The following ADCY9 variants were observed in gnomAD, a reference collection of about 807,000 sequenced individuals.
ADCY9 encodes adenylate cyclase 9, also known as adenylate cyclase type 9.
ADCY9 carries 50 observed loss-of-function variants against 101.5 expected under a neutral mutation model. The observed-to-expected ratio is 0.49, with a 90% CI of 0.39 to 0.62. The LOEUF (loss-of-function observed/expected upper bound fraction) is 0.62. Among genes scored for constraint, ADCY9 ranks in the 20% least tolerant of loss-of-function variants. ADCY9 has a pLI of 0.00. For missense variants in ADCY9, 1,662 were observed against 1,800.4 expected, an observed-to-expected ratio of 0.92 and a Z score of 1.39; for synonymous variants, 905 against 769.3, an observed-to-expected ratio of 1.18 and a Z score of -2.92.
intron 6 of ADCY9, among the ~76,000 whole-genome samples, chr16:3,987,397 G>A (rs928011437): frequency 3.9e-5 from 6 of 152,232 alleles, no homozygotes; most frequent in Non-Finnish European, 8.8e-5. Flanking sequence ...GGCGAGAAGC[G>A]GCCCGGACGC....
At chr16:4,018,962 T>TGTGTGTGTGTGTGTGTGTGTGC (rs2056457109) in intron 2 of ADCY9, among the ~76,000 whole-genome samples, 1 of 150,820 alleles carries the variant, frequency 6.6e-6, no homozygotes, top group Non-Finnish European at 1.5e-5. Flanking sequence ...TGTGTGTGTG[T>TGTGTGTGTGTGTGTGTGTGTGC]GTGTGTGTTT....
intron 5 of ADCY9, chr16:3,953,599 A>G (rs2055892774): frequency 6.6e-6 from 1 of 152,164 alleles, no homozygotes; most frequent in African/African-American, 2.4e-5. Flanking sequence ...ATTTCTAGAA[A>G]ACATGATGAT....
At chr16:4,112,965 A>G (rs1453795955) in intron 2 of ADCY9, among the ~76,000 whole-genome samples, 2 of 152,088 alleles carry the variant, frequency 1.3e-5, no homozygotes, top group Non-Finnish European at 2.9e-5. Context: ...AGCAGTAAGG[A>G]GCTTCAAACC....
At chr16:4,101,690 A>T (rs2057044363) in intron 2 of ADCY9, among the ~76,000 whole-genome samples, 1 of 152,330 alleles carries the variant, frequency 6.6e-6, no homozygotes, top group Non-Finnish European at 1.5e-5. Context: ...AATGGTAGGA[A>T]CCCATTCAAT....
rs769823999 is a variant in ADCY9, at chr16:3,966,939, C to G, written c.2898G>C (p.Ser966=). 6.2e-7 allele frequency: 1 copy of G among 1,613,368 alleles called. No homozygotes were observed. Among genetic ancestry groups the G allele is most frequent in the African/African-American group, 1.3e-5 (1 of 75,030 alleles). ...FSSERNPCNS[S]VPRDLRRPAS... ...CGGGCCGCCGGAGGTCACGCGGCAC[C>G]GAACTATTGCACGGGTTCCTCTCGG... is the stretch of plus-strand genomic sequence containing the variant. Residue 966 remains serine, a synonymous_variant, in exon 11 of 11, where the codon TCG becomes TCC. Coordinates refer to ENST00000294016, the MANE Select transcript of ADCY9 (RefSeq NM_001116.4).
chr16:4,106,276 C>G (rs952246793), intron 2 of ADCY9, among the ~76,000 whole-genome samples: 5 of 152,206 alleles, frequency 3.3e-5, no homozygotes, highest in African/African-American at 1.2e-4. Context: ...GGTACATCCA[C>G]AAGACTACAA....
intron 10 of ADCY9, among the ~76,000 whole-genome samples, chr16:3,969,950 A>G (rs2056036758): frequency 6.6e-6 from 1 of 152,084 alleles, no homozygotes; most frequent in African/African-American, 2.4e-5. Flanking sequence ...AAATAGACAA[A>G]AAAGATTTGT....
chr16:4,063,912 C>T (rs2056786464), intron 2 of ADCY9, among the ~76,000 whole-genome samples: 1 of 152,070 alleles, frequency 6.6e-6, no homozygotes, highest in Admixed American at 6.6e-5. Flanking sequence ...CTACTCTCAC[C>T]ATTTCTACTC....
chr16:4,079,820 T>G (rs535786300), intron 2 of ADCY9, among the ~76,000 whole-genome samples: 1 of 152,276 alleles, frequency 6.6e-6, no homozygotes, highest in Non-Finnish European at 1.5e-5. Flanking sequence ...AAACCTCATG[T>G]TGAAACATTC....
intron 3 of ADCY9, among the ~76,000 whole-genome samples, chr16:3,997,765 C>T (rs1597154492): frequency 1.3e-5 from 2 of 152,304 alleles, no homozygotes. Context: ...CTGTGTCACC[C>T]GGACCCAGCA....
At chr16:4,080,789 G>C (rs963206806) in intron 2 of ADCY9, among the ~76,000 whole-genome samples, 4 of 148,562 alleles carry the variant, frequency 2.7e-5, no homozygotes, top group Non-Finnish European at 5.9e-5. Flanking sequence ...AGGTCCCGTA[G>C]AGAGCACTTT....
chr16:4,102,081 G>A (rs1257315591), intron 2 of ADCY9, among the ~76,000 whole-genome samples: 1 of 152,156 alleles, frequency 6.6e-6, no homozygotes, highest in Non-Finnish European at 1.5e-5. Flanking sequence ...CAGATTGAGC[G>A]CAGGAAGAAA....
chr16:4,056,093 C>T (rs1213391232), intron 2 of ADCY9, among the ~76,000 whole-genome samples: 3 of 152,212 alleles, frequency 2.0e-5, no homozygotes, highest in African/African-American at 7.2e-5. Context: ...AACCCGAAAG[C>T]TGCGCCCTCC....
At chr16:4,017,036 T>C (rs1047684064) in intron 2 of ADCY9, among the ~76,000 whole-genome samples, 1 of 152,152 alleles carries the variant, frequency 6.6e-6, no homozygotes, top group Non-Finnish European at 1.5e-5. Flanking sequence ...TGGTGGTGCA[T>C]TTCTGTGATC....
chr16:3,976,034 C>T (rs1161465349), intron 9 of ADCY9, among the ~76,000 whole-genome samples: 1 of 152,132 alleles, frequency 6.6e-6, no homozygotes, highest in African/African-American at 2.4e-5. Context: ...CTCTGTCACC[C>T]AGGCTGGAGT....
rs2057152267 is a variant in ADCY9 at position 4,116,309 on chromosome 16, C to A, written c.-663G>T. 6.8e-6 allele frequency: 1 copy of A among 146,364 alleles called. No homozygotes were observed. The highest frequency in any genetic ancestry group is 1.9e-4 in the South Asian group (1 of 5,396). The allele number at this position is 146,364 out of a possible 1,614,324, so 9.1% of individuals were successfully genotyped here. A position where few individuals can be genotyped will look rare whatever the true frequency, so the allele number is the denominator to read the frequency against. On this transcript the variant is annotated 5_prime_UTR_variant, in exon 1 of 11. Coordinates refer to ENST00000294016, the MANE Select transcript of ADCY9 (RefSeq NM_001116.4). ...CGGGACGCCCGCCCGCCCGCGCCCA[C>A]GCCGGGGGCCGCCTCCCCGAGCTAG... is the stretch of plus-strand genomic sequence containing the variant.
chr16:4,097,487 T>TATATATATATACACACACACACACAC (rs76750792), intron 2 of ADCY9, among the ~76,000 whole-genome samples: 1 of 72,512 alleles, frequency 1.4e-5, no homozygotes, highest in Non-Finnish European at 2.7e-5. Flanking sequence ...TATATATATA[T>TATATATATATACACACACACACACAC]ACACACACAC....
intron 9 of ADCY9, among the ~76,000 whole-genome samples, chr16:3,976,237 C>T (rs2238437): frequency 0.072 from 11,006 of 152,142 alleles, 685 homozygotes; most frequent in East Asian, 0.21. Flanking sequence ...GACAATCCAC[C>T]CGCTTCAGCC....
At chr16:4,039,572 G>C (rs765082231) in intron 2 of ADCY9, among the ~76,000 whole-genome samples, 1 of 151,502 alleles carries the variant, frequency 6.6e-6, no homozygotes, top group Non-Finnish European at 1.5e-5. Flanking sequence ...TCAACTACTC[G>C]GGACGCTGAG....
Sources: allele counts gnomAD v4.1 joint callset (sites outside exome capture counted in the v4.1 genomes callset), GRCh38; gene constraint gnomAD v4.1.1; transcripts MANE v1.5; gene names NCBI Gene and HGNC (gene_info 2026-07-23, HGNC 2026-07-21).